UBN2: variants seen among roughly 807,000 people sequenced by gnomAD.
The protein encoded by UBN2 is ubinuclein-2.
In UBN2, 35 loss-of-function variants were observed where a neutral mutation model predicts 120.2. The ratio of observed to expected loss-of-function variants is 0.29; its 90% confidence interval spans 0.22 to 0.39. The LOEUF (loss-of-function observed/expected upper bound fraction) is 0.39, where lower values mean the gene tolerates loss of function less well. Among genes scored for constraint, UBN2 ranks in the 10% least tolerant of loss-of-function variants. The probability of loss-of-function intolerance (pLI) is 1.00; values close to 1 mark genes in which losing one functional copy is unlikely to be tolerated. For missense variants in UBN2, 1,693 were observed against 1,663.2 expected (o/e 1.02, Z -0.31); for synonymous variants, 661 against 648.7 (o/e 1.02, Z -0.29).
intron 3 of UBN2, among the ~76,000 whole-genome samples, chr7:139,256,114 A>C (rs1320852672): frequency 6.6e-6 from 1 of 152,226 alleles, no homozygotes; most frequent in African/African-American, 2.4e-5. Flanking sequence ...GACTGAACTA[A>C]ATATTCACAA....
intron 15 of UBN2, among the ~76,000 whole-genome samples, chr7:139,286,796 AAG>A (rs1797802878): frequency 6.6e-6 from 1 of 152,186 alleles, no homozygotes; most frequent in Non-Finnish European, 1.5e-5. Flanking sequence ...ATGTAATGAG[AAG>A]AGTTTCCCCT....
rs78674611 is a variant in UBN2 at position 139,292,267 on chromosome 7, G to A, written c.3670-965G>A. Among the ~76,000 whole-genome samples, 828 of 152,170 alleles carry A rather than the reference G, an allele frequency of 5.4e-3. 5 individuals are homozygous for A. Among genetic ancestry groups the A allele is most frequent in the African/African-American group, 0.019 (783 of 41,534 alleles). On this transcript the variant is annotated intron_variant, in intron 15 of 17. Coordinates refer to ENST00000473989, the MANE Select transcript of UBN2 (RefSeq NM_173569.4). ...GACCCTGTCTCAAAAAAAAGGGGGC[G>A]GAGTTTGGGCAGGGGGAATATATTT...
intron 15 of UBN2, among the ~76,000 whole-genome samples, chr7:139,288,418 T>C (rs1418617010): frequency 6.6e-6 from 1 of 151,990 alleles, no homozygotes; most frequent in Non-Finnish European, 1.5e-5. Flanking sequence ...GAGGGAACAG[T>C]TGTATGAAGA....
intron 13 of UBN2, among the ~76,000 whole-genome samples, chr7:139,281,286 G>T (rs1050344212): frequency 1.3e-5 from 2 of 151,998 alleles, no homozygotes; most frequent in African/African-American, 2.4e-5. Flanking sequence ...TGTTAATGTG[G>T]TTTTTTTCTA....
intron 3 of UBN2, among the ~76,000 whole-genome samples, chr7:139,254,444 A>G (rs189482671): frequency 6.6e-6 from 1 of 152,224 alleles, no homozygotes; most frequent in African/African-American, 2.4e-5. Context: ...AAATCAGGGC[A>G]TGGAATGTTT....
rs61729573 is a variant in UBN2 at position 139,284,067 on chromosome 7, G to A, written c.3162G>A (p.Ser1054=). 12,797 of 1,613,868 alleles carry A rather than the reference G, an allele frequency of 7.9e-3. 199 individuals are homozygous for A. Among genetic ancestry groups the A allele is most frequent in the South Asian group, 0.055 (4,973 of 91,042 alleles). The change falls in exon 15 of 18, where the codon TCG becomes TCA. Residue 1054 remains serine (S), a synonymous_variant. Transcript: ENST00000473989. The part of the protein sequence containing the change: ...KPATSPKPLP[S]PKPSASPKPS... Reference sequence around the variant, plus strand: ...CCACATCTCCTAAACCCCTGCCCTCGCCTAAGCCTTCTGCCTCACCCAAGC... The same window carrying A: ...CCACATCTCCTAAACCCCTGCCCTCACCTAAGCCTTCTGCCTCACCCAAGC...
chr7:139,298,161 A>C lies in UBN2; in HGVS notation c.*325A>C. On this transcript the variant is annotated 3_prime_UTR_variant, in exon 18 of 18. Transcript: ENST00000473989. ...ATTTTTCCCGGGGGAGGAAGAAGGA[A>C]GTGAAGAGAATTTGGGTAAACTCCA... is the stretch of plus-strand genomic sequence containing the variant. 3.6e-6 allele frequency: 1 copy of C among 276,354 alleles called. No homozygotes were observed. Among genetic ancestry groups the C allele is most frequent in the Non-Finnish European group, 6.8e-6 (1 of 146,468 alleles). The allele number at this position is 276,354 out of a possible 1,614,324, so 17.1% of individuals were successfully genotyped here. A position where few individuals can be genotyped will look rare whatever the true frequency, so the allele number is the denominator to read the frequency against.
At chr7:139,275,013 C>T (rs1243376555) in intron 11 of UBN2, among the ~76,000 whole-genome samples, 2 of 151,916 alleles carry the variant, frequency 1.3e-5, no homozygotes, top group African/African-American at 4.8e-5. Flanking sequence ...TGCGGTGGCT[C>T]ACACCTGTAA....
intron 1 of UBN2, among the ~76,000 whole-genome samples, chr7:139,232,557 T>A (rs780462853): frequency 1.3e-5 from 2 of 152,130 alleles, no homozygotes; most frequent in Non-Finnish European, 2.9e-5. Context: ...AATGGAGAAG[T>A]GGGTTAGTTA....
At chr7:139,251,876 G>T in intron 2 of UBN2, 80 bp from the exon 3 acceptor site, 1 of 1,373,350 alleles carries the variant, frequency 7.3e-7, no homozygotes, top group East Asian at 2.3e-5. Context: ...AAAATTATTT[G>T]AATTCTTCTA....
the UBN2 span, among the ~76,000 whole-genome samples, chr7:139,317,963 C>A: frequency 2.0e-5 from 3 of 152,066 alleles, no homozygotes; most frequent in African/African-American, 7.2e-5. Context: ...GCACGCAGCC[C>A]AACTATTATT....
intron 15 of UBN2, among the ~76,000 whole-genome samples, chr7:139,291,757 G>A (rs1797964180): frequency 6.6e-6 from 1 of 152,126 alleles, no homozygotes; most frequent in Admixed American, 6.5e-5. Context: ...GGGAGGCTGA[G>A]GTGGGAGGAT....
rs188280120 is a variant in UBN2, at chr7:139,289,722, A to G, written c.3670-3510A>G. Among the ~76,000 whole-genome samples, 286 of 151,864 alleles carry G rather than the reference A, an allele frequency of 1.9e-3. 2 individuals carry two copies. The highest frequency in any genetic ancestry group is 6.5e-3 in the African/African-American group (269 of 41,438). On this transcript the variant is annotated intron_variant, in intron 15 of 17. Coordinates refer to ENST00000473989, the MANE Select transcript of UBN2 (RefSeq NM_173569.4). ...CCATCGCACCTGGCCCTCATTTTGCATCTATTTTAATGCTTCAATTACACT... is the reference window on the plus strand; with the variant it reads ...CCATCGCACCTGGCCCTCATTTTGCGTCTATTTTAATGCTTCAATTACACT...
At chr7:139,325,592 C>G in the UBN2 span, among the ~76,000 whole-genome samples, 1 of 152,110 alleles carries the variant, frequency 6.6e-6, no homozygotes, top group African/African-American at 2.4e-5. Flanking sequence ...TCAGACACAA[C>G]ATCTATAGCA....
chr7:139,269,432 G>A lies in UBN2; in HGVS notation c.1505G>A (p.Arg502His), dbSNP rs1797195891. 4 of 1,614,058 alleles carry A rather than the reference G, an allele frequency of 2.5e-6. No individual in the cohort carries two copies. The highest frequency in any genetic ancestry group is 2.5e-6 in the Non-Finnish European group (3 of 1,180,010). ...LQLQELGPVI[R>H]SGVYSHLEAF... Reference sequence around the variant, plus strand: ...CTACAAGAACTAGGCCCTGTCATTCGCAGTGGTGTCTACTCCCACCTTGAA... The same window carrying A: ...CTACAAGAACTAGGCCCTGTCATTCACAGTGGTGTCTACTCCCACCTTGAA... The change falls in exon 8 of 18, where the codon CGC (arginine) becomes CAC (histidine). Residue 502 changes from arginine to histidine, a missense_variant. Arg to His is a conservative substitution (Grantham distance 29). Around this residue, in one of 5 missense-constraint regions of UBN2, gnomAD observed 178 missense variants for 204.0 expected, o/e 0.87. Transcript: ENST00000473989.
chr7:139,276,087 A>AT lies in UBN2; in HGVS notation c.1974-5dup. 7 of 1,609,972 alleles carry AT rather than the reference A, an allele frequency of 4.3e-6. No homozygotes were observed. The Middle Eastern group carries it at 5.5e-4, about 126-fold the overall frequency. On this transcript the variant is annotated splice_polypyrimidine_tract_variant and intron_variant, in intron 11 of 17. Coordinates refer to ENST00000473989, the MANE Select transcript of UBN2 (RefSeq NM_173569.4). ...AGAAAATAATAATTGTGTTCTTTAAATTTTTCCAGAATGCTTTTTAAGGAA... is the reference window on the plus strand; with the variant it reads ...AGAAAATAATAATTGTGTTCTTTAAATTTTTTCCAGAATGCTTTTTAAGGAA...
Position 139,282,035 on chromosome 7 carries a change from TCTTTCCCCACTATGCTTAAGGTA to T in UBN2, c.2099_2118+3del. 6.2e-7 allele frequency: 1 copy of T among 1,613,480 alleles called. No individual in the cohort carries two copies. The highest frequency in any genetic ancestry group is 8.5e-7 in the Non-Finnish European group (1 of 1,179,558). On this transcript the variant is annotated splice_donor_variant and splice_donor_region_variant and coding_sequence_variant and intron_variant, in exon 14 of 18. Transcript: ENST00000473989. LOFTEE classifies it high-confidence loss of function. ...GATGGTAAAGACCCTTCCTCTCCAT[TCTTTCCCCACTATGCTTAAGGTA>T]AGTGCTATGGTTGTATCAATCAGTA...
intron 11 of UBN2, among the ~76,000 whole-genome samples, chr7:139,274,772 A>C (rs536482689): frequency 6.6e-6 from 1 of 151,610 alleles, no homozygotes; most frequent in Non-Finnish European, 1.5e-5. Flanking sequence ...CAAAAAAAAA[A>C]AAAAGAAAAA....
At chr7:139,267,877 C>CA (rs1360420647) in intron 7 of UBN2, among the ~76,000 whole-genome samples, 1 of 152,198 alleles carries the variant, frequency 6.6e-6, no homozygotes, top group Non-Finnish European at 1.5e-5. Flanking sequence ...TTTCTATCTA[C>CA]ACCACCTCCT....
Sources: gnomAD v4.1 joint callset for allele counts (sites outside exome capture counted in the v4.1 genomes callset) on GRCh38, gnomAD v4.1.1 for gene constraint, gnomAD v4.1.1 regional missense constraint, MANE v1.5 for transcripts, NCBI Gene and HGNC (gene_info 2026-07-23, HGNC 2026-07-21) for gene names.